Variants in CSMD1 observed in about 807,000 individuals in gnomAD.
CSMD1 encodes CUB and Sushi multiple domains 1.
In CSMD1, 213 loss-of-function variants were observed where a neutral mutation model predicts 417.5. The observed-to-expected ratio is 0.51, with a 90% CI of 0.46 to 0.57. CSMD1 has a LOEUF of 0.57. Among genes scored for constraint, CSMD1 ranks in the 20% least tolerant of loss-of-function variants. CSMD1 has a pLI of 0.00. For synonymous variants in CSMD1, 2,862 were observed against 1,736.8 expected, an observed-to-expected ratio of 1.65 and a Z score of -16.11; for missense variants, 6,923 against 4,529.7, an observed-to-expected ratio of 1.53 and a Z score of -15.17.
At chr8:4,022,231 C>T (rs528514350) in intron 4 of CSMD1, among the ~76,000 whole-genome samples, 19 of 148,398 alleles carry the variant, frequency 1.3e-4, no homozygotes, top group Non-Finnish European at 2.5e-4. Context: ...AATAAAGGTG[C>T]TGACTATTTT....
At chr8:4,200,251 T>A (rs1405660079) in intron 3 of CSMD1, among the ~76,000 whole-genome samples, 2 of 152,186 alleles carry the variant, frequency 1.3e-5, no homozygotes, top group East Asian at 3.8e-4. Context: ...CTCTATTCAA[T>A]ACACTGATGA....
At chr8:3,266,471 T>C in intron 26 of CSMD1, among the ~76,000 whole-genome samples, 1 of 151,398 alleles carries the variant, frequency 6.6e-6, no homozygotes, top group East Asian at 2.0e-4. Context: ...CCGGGCATGG[T>C]GGTAGGCACC....
At chr8:3,487,028 G>C (rs182183800) in intron 11 of CSMD1, among the ~76,000 whole-genome samples, 1 of 152,062 alleles carries the variant, frequency 6.6e-6, no homozygotes, top group Non-Finnish European at 1.5e-5. Flanking sequence ...ACACACAGAA[G>C]GTGACACAAA....
chr8:3,930,114 A>C (rs1810037370), intron 5 of CSMD1, among the ~76,000 whole-genome samples: 1 of 150,308 alleles, frequency 6.7e-6, no homozygotes, highest in Non-Finnish European at 1.5e-5. Flanking sequence ...TGGTACTGGG[A>C]AAACCTACAA....
chr8:4,954,901 A>G (rs1808986675), intron 1 of CSMD1, among the ~76,000 whole-genome samples: 1 of 152,186 alleles, frequency 6.6e-6, no homozygotes, highest in African/African-American at 2.4e-5. Context: ...TTTGTTTCAA[A>G]ATACCTGATT....
chr8:3,712,023 T>C (rs1261135754), intron 6 of CSMD1, among the ~76,000 whole-genome samples: 3 of 152,196 alleles, frequency 2.0e-5, no homozygotes, highest in Non-Finnish European at 4.4e-5. Flanking sequence ...TTTCGTACTC[T>C]TGCAAACAAG....
chr8:4,210,668 G>A (rs189988388), intron 3 of CSMD1, among the ~76,000 whole-genome samples: 1 of 152,130 alleles, frequency 6.6e-6, no homozygotes, highest in African/African-American at 2.4e-5. Context: ...ACACTTATCT[G>A]AAGAAAGCCA....
At chr8:4,628,475 T>C (rs1338885547) in intron 2 of CSMD1, among the ~76,000 whole-genome samples, 1 of 149,126 alleles carries the variant, frequency 6.7e-6, no homozygotes, top group Admixed American at 6.7e-5. Flanking sequence ...TATATGTATA[T>C]ATACACACAG....
At chr8:3,452,877 G>T (rs1815842002) in intron 12 of CSMD1, among the ~76,000 whole-genome samples, 1 of 152,180 alleles carries the variant, frequency 6.6e-6, no homozygotes. Context: ...GATTGGAATA[G>T]TTTCAGAAGG....
At chr8:3,852,076 C>A (rs1490573427) in intron 5 of CSMD1, among the ~76,000 whole-genome samples, 2 of 152,170 alleles carry the variant, frequency 1.3e-5, no homozygotes, top group Non-Finnish European at 2.9e-5. Flanking sequence ...TGGAGGAGAT[C>A]TTTGCAGAAA....
At chr8:4,086,019 G>C (rs1051694548) in intron 3 of CSMD1, among the ~76,000 whole-genome samples, 1 of 152,102 alleles carries the variant, frequency 6.6e-6, no homozygotes, top group Admixed American at 6.6e-5. Flanking sequence ...ACTAACAAAG[G>C]TGTGGTCCTG....
At chr8:4,451,755 C>T (rs1315720853) in intron 2 of CSMD1, among the ~76,000 whole-genome samples, 2 of 151,956 alleles carry the variant, frequency 1.3e-5, no homozygotes, top group African/African-American at 4.8e-5. Context: ...TCGAATGATA[C>T]AGATAGAACC....
chr8:4,350,568 C>A (rs758246081), intron 3 of CSMD1, among the ~76,000 whole-genome samples: 72 of 152,244 alleles, frequency 4.7e-4, no homozygotes, highest in Non-Finnish European at 8.1e-4. Context: ...CACATTTATT[C>A]AATTAACACT....
At chr8:4,010,371 C>T (rs1010125836) in intron 4 of CSMD1, among the ~76,000 whole-genome samples, 7 of 152,124 alleles carry the variant, frequency 4.6e-5, no homozygotes, top group Admixed American at 2.6e-4. Context: ...ATTTAAACTT[C>T]GGGCCCTCTG....
At chr8:3,976,259 G>C (rs947725547) in intron 5 of CSMD1, among the ~76,000 whole-genome samples, 7 of 151,892 alleles carry the variant, frequency 4.6e-5, no homozygotes, top group Non-Finnish European at 8.8e-5. Context: ...ATTTAAAAAT[G>C]TAACTTCTTA....
At chr8:3,907,207 T>C (rs1808172215) in intron 5 of CSMD1, among the ~76,000 whole-genome samples, 1 of 152,226 alleles carries the variant, frequency 6.6e-6, no homozygotes, top group African/African-American at 2.4e-5. Context: ...TCTGATCTCA[T>C]ACAGCAAATA....
intron 3 of CSMD1, among the ~76,000 whole-genome samples, chr8:4,340,890 C>T (rs987354983): frequency 2.6e-5 from 4 of 151,934 alleles, no homozygotes; most frequent in Non-Finnish European, 2.9e-5. Context: ...ATGAATATTA[C>T]CTACAATTTA....
chr8:3,831,232 A>T (rs1319657926), intron 5 of CSMD1, among the ~76,000 whole-genome samples: 2 of 152,200 alleles, frequency 1.3e-5, no homozygotes, highest in Non-Finnish European at 2.9e-5. Flanking sequence ...TAAATAAAAA[A>T]AACAAAGTTT....
chr8:4,152,359 A>T (rs1004734893), intron 3 of CSMD1, among the ~76,000 whole-genome samples: 2 of 152,132 alleles, frequency 1.3e-5, no homozygotes, highest in African/African-American at 4.8e-5. Context: ...CGTAAGCAGG[A>T]ATGCTTATGT....
Sources: allele counts gnomAD v4.1 joint callset (sites outside exome capture counted in the v4.1 genomes callset), GRCh38; gene constraint gnomAD v4.1.1; transcripts MANE v1.5; gene names NCBI Gene and HGNC (gene_info 2026-07-23, HGNC 2026-07-21).